MACROD2: variants seen among roughly 807,000 people sequenced by gnomAD.
MACROD2 encodes the protein ADP-ribose glycohydrolase MACROD2.
In MACROD2, 36 loss-of-function variants were observed where a neutral mutation model predicts 70.4. The observed-to-expected ratio is 0.51, with a 90% CI of 0.39 to 0.68. MACROD2 has a LOEUF of 0.68. MACROD2 is among the 30% of genes least tolerant of loss of function. The pLI, the probability that MACROD2 is intolerant of heterozygous loss-of-function variation, is 0.00. For missense variants in MACROD2, 496 were observed against 538.4 expected, an observed-to-expected ratio of 0.92 and a Z score of 0.78; for synonymous variants, 172 against 178.8, an observed-to-expected ratio of 0.96 and a Z score of 0.30.
At chr20:14,658,802 T>C (rs950882894) in intron 4 of MACROD2, among the ~76,000 whole-genome samples, 1 of 152,136 alleles carries the variant, frequency 6.6e-6, no homozygotes, top group African/African-American at 2.4e-5. Context: ...TTAGTAGAGA[T>C]GGTCTTTCAC....
chr20:14,526,023 G>A lies in MACROD2; in HGVS notation c.301+32515G>A, dbSNP rs2085226793. ...AGGGCAATGAGTAAGGCCGATATCG[G>A]AATGTTGATAGAAAAAAGCCCTTCT... On this transcript the variant is annotated intron_variant, in intron 4 of 17. Coordinates refer to ENST00000684519, the MANE Select transcript of MACROD2 (RefSeq NM_001351661.2). Among the ~76,000 whole-genome samples, 3 of 152,148 alleles carry A rather than the reference G, an allele frequency of 2.0e-5. No individual in the cohort carries two copies. In the South Asian group the frequency reaches 6.2e-4, roughly 32 times the overall value.
intron 10 of MACROD2, among the ~76,000 whole-genome samples, chr20:15,926,779 G>A (rs940446575): frequency 1.3e-5 from 2 of 152,204 alleles, no homozygotes; most frequent in Non-Finnish European, 2.9e-5. Flanking sequence ...TGCAGCGACT[G>A]AACCAGCAGG....
chr20:15,348,498 A>C (rs901515144), intron 6 of MACROD2, among the ~76,000 whole-genome samples: 1 of 152,216 alleles, frequency 6.6e-6, no homozygotes, highest in Admixed American at 6.5e-5. Flanking sequence ...AACACTGCTA[A>C]AGAATATGAG....
intron 5 of MACROD2, among the ~76,000 whole-genome samples, chr20:14,738,189 C>G (rs566273132): frequency 6.6e-6 from 1 of 151,646 alleles, no homozygotes; most frequent in African/African-American, 2.4e-5. Flanking sequence ...TTCCTGAAAG[C>G]TGTTTAGGCA....
At chr20:15,796,917 G>A (rs1275472772) in intron 8 of MACROD2, among the ~76,000 whole-genome samples, 1 of 152,160 alleles carries the variant, frequency 6.6e-6, no homozygotes, top group Admixed American at 6.5e-5. Context: ...TTGAATGCCT[G>A]TTATATATAC....
At chr20:15,871,942 A>G (rs2064590828) in intron 9 of MACROD2, among the ~76,000 whole-genome samples, 2 of 152,182 alleles carry the variant, frequency 1.3e-5, no homozygotes, top group South Asian at 4.1e-4. Context: ...AACAACACCC[A>G]TGCCATGGAT....
intron 8 of MACROD2, among the ~76,000 whole-genome samples, chr20:15,595,505 T>A (rs2048734716): frequency 6.6e-6 from 1 of 152,134 alleles, no homozygotes; most frequent in Admixed American, 6.5e-5. Context: ...ATTTATGATA[T>A]AAAAAATACT....
intron 5 of MACROD2, among the ~76,000 whole-genome samples, chr20:15,029,598 AAG>A (rs1321460738): frequency 1.3e-5 from 2 of 152,168 alleles, no homozygotes; most frequent in Non-Finnish European, 2.9e-5. Flanking sequence ...TGGAGGTACC[AAG>A]CTTTTCTCAA....
intron 3 of MACROD2, among the ~76,000 whole-genome samples, chr20:14,302,735 A>G (rs2082486508): frequency 6.6e-6 from 1 of 151,786 alleles, no homozygotes. Flanking sequence ...GGCTCACTGC[A>G]ACCTCCGCCT....
Position 14,206,447 on chromosome 20 carries a change from T to C in MACROD2, c.271+120719T>C, listed in dbSNP as rs987350574. 3.9e-5 allele frequency among the ~76,000 whole-genome samples: 6 copies of C among 152,350 alleles called. No individual in the cohort carries two copies. In the East Asian group the frequency reaches 5.8e-4, roughly 15 times the overall value. ...GGCATATAAAAACGTTCAGGAAATATTTATTGAGCATCAAGCTTGGACCAC... is the reference window on the plus strand; with the variant it reads ...GGCATATAAAAACGTTCAGGAAATACTTATTGAGCATCAAGCTTGGACCAC... On this transcript the variant is annotated intron_variant, in intron 3 of 17. Transcript: ENST00000684519.
At chr20:14,911,174 C>G (rs2074022299) in intron 5 of MACROD2, among the ~76,000 whole-genome samples, 2 of 152,112 alleles carry the variant, frequency 1.3e-5, no homozygotes, top group Admixed American at 1.3e-4. Context: ...AAACCCTCCC[C>G]CAGACCTATT....
At chr20:14,032,585 C>T (rs934846769) in intron 2 of MACROD2, among the ~76,000 whole-genome samples, 4 of 152,062 alleles carry the variant, frequency 2.6e-5, no homozygotes, top group Admixed American at 1.3e-4. Context: ...GGTCAATTAC[C>T]TGTTCATAAC....
At chr20:15,579,257 G>T (rs772703235) in intron 8 of MACROD2, among the ~76,000 whole-genome samples, 42 of 152,140 alleles carry the variant, frequency 2.8e-4, no homozygotes, top group Admixed American at 1.5e-3. Context: ...CCCTGAAGAG[G>T]TTTGGCCATA....
chr20:15,769,272 C>T (rs1438118928), intron 8 of MACROD2, among the ~76,000 whole-genome samples: 3 of 152,040 alleles, frequency 2.0e-5, no homozygotes, highest in Non-Finnish European at 4.4e-5. Context: ...CTCAGCCTCT[C>T]GAGTAGCTGG....
intron 15 of MACROD2, among the ~76,000 whole-genome samples, chr20:16,035,878 A>G (rs1038669281): frequency 6.6e-5 from 10 of 151,956 alleles, no homozygotes; most frequent in African/African-American, 2.4e-4. Flanking sequence ...GAAAGCCCCA[A>G]CTGTCAAATG....
At chr20:14,512,154 G>T (rs17812713) in intron 4 of MACROD2, among the ~76,000 whole-genome samples, 1 of 151,968 alleles carries the variant, frequency 6.6e-6, no homozygotes, top group Non-Finnish European at 1.5e-5. Flanking sequence ...ATTAACTAGA[G>T]CAAATAGGCA....
chr20:14,889,731 A>G (rs567850066), intron 5 of MACROD2, among the ~76,000 whole-genome samples: 10 of 152,260 alleles, frequency 6.6e-5, no homozygotes, highest in Admixed American at 1.3e-4. Flanking sequence ...GGCTATGGGC[A>G]GATTATGTAG....
chr20:14,874,402 T>C (rs2073525433), intron 5 of MACROD2, among the ~76,000 whole-genome samples: 1 of 144,562 alleles, frequency 6.9e-6, no homozygotes, highest in Non-Finnish European at 1.5e-5. Flanking sequence ...TGGTGAGGTC[T>C]GGTAAGAAAA....
rs114572518 is a variant in MACROD2 at position 14,207,858 on chromosome 20, T to A, written c.271+122130T>A. Among the ~76,000 whole-genome samples the A allele has an allele frequency of 4.6e-3, 706 of 152,308 alleles. 6 individuals are homozygous for A. Among genetic ancestry groups the A allele is most frequent in the Middle Eastern group, 0.037 (11 of 294 alleles). ...GGGCAAAAACCTTATCAGGAAGCATTTTTTGAATGCAAATGCAAGGTACAT... is the reference window on the plus strand; with the variant it reads ...GGGCAAAAACCTTATCAGGAAGCATATTTTGAATGCAAATGCAAGGTACAT... On this transcript the variant is annotated intron_variant, in intron 3 of 17. Transcript: ENST00000684519.
Sources: allele counts gnomAD v4.1 joint callset (sites outside exome capture counted in the v4.1 genomes callset), GRCh38; gene constraint gnomAD v4.1.1; transcripts MANE v1.5; gene names NCBI Gene and HGNC (gene_info 2026-07-23, HGNC 2026-07-21).